Variants in CDK14 observed in about 807,000 individuals in gnomAD.
The protein encoded by CDK14 is cyclin dependent kinase 14.
Under a neutral mutation model 60.7 loss-of-function variants are expected in CDK14, and 34 were observed. The ratio of observed to expected loss-of-function variants is 0.56; its 90% CI spans 0.43 to 0.75. CDK14 has a LOEUF of 0.75. Ranked by LOEUF, CDK14 falls within the 30% of genes least tolerant of loss-of-function variation. The pLI is 0.00. For missense variants in CDK14, 482 were observed against 564.1 expected (o/e 0.85, Z 1.47); for synonymous variants, 197 against 203.7 (o/e 0.97, Z 0.28).
chr7:90,820,354 A>G (rs1483032700), intron 5 of CDK14, among the ~76,000 whole-genome samples: 1 of 152,192 alleles, frequency 6.6e-6, no homozygotes, highest in East Asian at 1.9e-4. Flanking sequence ...CCCAAATCTC[A>G]TCTCAAATTG....
chr7:91,109,147 T>C (rs1433486630), intron 12 of CDK14, among the ~76,000 whole-genome samples: 2 of 152,136 alleles, frequency 1.3e-5, no homozygotes, highest in African/African-American at 4.8e-5. Context: ...CAACCTCTCT[T>C]GCAAAAAGAG....
intron 10 of CDK14, among the ~76,000 whole-genome samples, chr7:90,998,514 G>A (rs898487460): frequency 2.0e-5 from 3 of 152,160 alleles, no homozygotes; most frequent in Admixed American, 6.5e-5. Flanking sequence ...ACAGTTTTAT[G>A]GAAACTGTGG....
intron 11 of CDK14, among the ~76,000 whole-genome samples, chr7:91,066,157 T>C (rs1797972000): frequency 6.6e-6 from 1 of 152,184 alleles, no homozygotes; most frequent in Non-Finnish European, 1.5e-5. Context: ...ACTGAATATA[T>C]GATTTAGAAG....
At chr7:90,635,430 G>A (rs1411590980) in intron 2 of CDK14, among the ~76,000 whole-genome samples, 1 of 152,204 alleles carries the variant, frequency 6.6e-6, no homozygotes, top group Non-Finnish European at 1.5e-5. Context: ...GTCTGTCAAA[G>A]ATCAGATAGT....
intron 2 of CDK14, among the ~76,000 whole-genome samples, chr7:90,635,290 C>T (rs1800113620): frequency 6.6e-6 from 1 of 152,074 alleles, no homozygotes; most frequent in Admixed American, 6.6e-5. Flanking sequence ...GTCTTTAATC[C>T]ATCTTGAATT....
At chr7:91,181,573 CAG>C (rs1339827595) in intron 14 of CDK14, among the ~76,000 whole-genome samples, 1 of 152,136 alleles carries the variant, frequency 6.6e-6, no homozygotes, top group Non-Finnish European at 1.5e-5. Flanking sequence ...CATTTCTAAA[CAG>C]AAAATCTTCC....
chr7:91,177,723 G>A (rs1801823987), intron 14 of CDK14, among the ~76,000 whole-genome samples: 5 of 140,140 alleles, frequency 3.6e-5, no homozygotes, highest in Admixed American at 7.2e-5. Context: ...GCTTCAAAGA[G>A]AATAAAATAC....
chr7:90,887,708 C>T (rs993196721), intron 6 of CDK14, among the ~76,000 whole-genome samples: 24 of 152,130 alleles, frequency 1.6e-4, no homozygotes, highest in Admixed American at 5.2e-4. Flanking sequence ...AATAACATTG[C>T]TTCTAATACA....
chr7:90,927,078 C>A (rs1333773052), intron 8 of CDK14, among the ~76,000 whole-genome samples: 1 of 152,188 alleles, frequency 6.6e-6, no homozygotes, highest in Non-Finnish European at 1.5e-5. Context: ...GTCCACAACC[C>A]AGAAGCTCTC....
At chr7:90,961,118 A>G (rs761975730) in intron 9 of CDK14, among the ~76,000 whole-genome samples, 18 of 152,172 alleles carry the variant, frequency 1.2e-4, no homozygotes, top group Non-Finnish European at 2.2e-4. Context: ...AAGACACTAC[A>G]TAATCTCTTA....
intron 14 of CDK14, among the ~76,000 whole-genome samples, chr7:91,136,979 G>A (rs1439219219): frequency 1.3e-5 from 2 of 152,140 alleles, no homozygotes; most frequent in African/African-American, 4.8e-5. Flanking sequence ...TTGATAATTA[G>A]GAAATCTTTT....
rs1000857981 is a variant in CDK14, at chr7:90,973,603, T to C, written c.948-10545T>C. Among the ~76,000 whole-genome samples, 29 of 152,124 alleles carry C rather than the reference T, an allele frequency of 1.9e-4. 2 individuals carry two copies. Among genetic ancestry groups the C allele is most frequent in the Non-Finnish European group, 4.4e-5 (3 of 68,040 alleles). On this transcript the variant is annotated intron_variant, in intron 9 of 14. Transcript: ENST00000380050. ...CGTAGGTTCTTTCTATTTTCCTAAG[T>C]GTTGGCTGATCTGAGAAATAAAGAG...
At position 90,918,571 on chromosome 7, in the gene CDK14, G is replaced by A. The variant is rs547910003; in HGVS notation, c.826+847G>A. Reference sequence around the variant, plus strand: ...TGTTGAGTTGATTCTGAGCACCACGGGATGCCTGATGGCAGCATAACGTGT... The same window carrying A: ...TGTTGAGTTGATTCTGAGCACCACGAGATGCCTGATGGCAGCATAACGTGT... On this transcript the variant is annotated intron_variant, in intron 8 of 14. Coordinates refer to ENST00000380050, the MANE Select transcript of CDK14 (RefSeq NM_001287135.2). 2.6e-5 allele frequency among the ~76,000 whole-genome samples: 4 copies of A among 152,272 alleles called. No homozygotes were observed. In the East Asian group the frequency reaches 5.8e-4, roughly 22 times the overall value.
chr7:91,180,239 G>A (rs1162362408), intron 14 of CDK14, among the ~76,000 whole-genome samples: 1 of 152,156 alleles, frequency 6.6e-6, no homozygotes, highest in Non-Finnish European at 1.5e-5. Flanking sequence ...CTTTGCTAGG[G>A]ATACAAAATG....
intron 2 of CDK14, among the ~76,000 whole-genome samples, chr7:90,703,595 G>T (rs1801834570): frequency 6.6e-6 from 1 of 152,140 alleles, no homozygotes; most frequent in African/African-American, 2.4e-5. Flanking sequence ...TGAAACAAGG[G>T]TTTGTAATTG....
intron 6 of CDK14, 41 bp downstream of exon 6, chr7:90,863,310 T>A (rs752965695): frequency 8.3e-7 from 1 of 1,197,656 alleles, no homozygotes; most frequent in Non-Finnish European, 1.2e-6. Context: ...ATTTAAAATA[T>A]GAATGAAATT....
chr7:90,865,450 T>C (rs541889037), intron 6 of CDK14, among the ~76,000 whole-genome samples: 35 of 152,328 alleles, frequency 2.3e-4, no homozygotes, highest in Non-Finnish European at 4.9e-4. Context: ...TTAAGGTTCT[T>C]ACATACCTTA....
At chr7:90,649,637 C>T (rs1473109157) in intron 2 of CDK14, among the ~76,000 whole-genome samples, 4 of 151,384 alleles carry the variant, frequency 2.6e-5, no homozygotes, top group South Asian at 4.2e-4. Context: ...CATGCCCTGG[C>T]GAGTGATGTT....
chr7:91,055,969 A>G (rs772815556), intron 11 of CDK14, among the ~76,000 whole-genome samples: 85 of 152,270 alleles, frequency 5.6e-4, no homozygotes, highest in Non-Finnish European at 9.0e-4. Flanking sequence ...CCTTCCCACA[A>G]ATTAATGCCG....
Sources: allele counts gnomAD v4.1 joint callset (sites outside exome capture counted in the v4.1 genomes callset), GRCh38; gene constraint gnomAD v4.1.1; transcripts MANE v1.5; gene names NCBI Gene and HGNC (gene_info 2026-07-23, HGNC 2026-07-21).